NEDD4L: variants seen among roughly 807,000 people sequenced by gnomAD.
The protein encoded by NEDD4L is NEDD4 like E3 ubiquitin protein ligase, also known as E3 ubiquitin-protein ligase NEDD4-like.
A neutral mutation model predicts 148.9 loss-of-function variants in NEDD4L; 54 were observed. The observed-to-expected ratio is 0.36, with a 90% confidence interval of 0.29 to 0.45. The LOEUF (loss-of-function observed/expected upper bound fraction) is 0.45, where lower values mean the gene tolerates loss of function less well. Ranked by LOEUF, NEDD4L falls within the 20% of genes least tolerant of loss-of-function variation. The probability of loss-of-function intolerance (pLI) is 1.00; values close to 1 mark genes in which losing one functional copy is unlikely to be tolerated. For missense variants in NEDD4L, 856 were observed against 1,233.8 expected, an observed-to-expected ratio of 0.69 and a Z score of 4.59; for synonymous variants, 433 against 440.7, an observed-to-expected ratio of 0.98 and a Z score of 0.22.
Position 58,256,315 on chromosome 18 carries a change from G to C in NEDD4L, c.297+4261G>C. Reference sequence around the variant, plus strand: ...CGGCCGCGGCAGAGCCCAGGCGCTGGTCCCTGCAGCACGTTCCAGATGCTT... The same window carrying C: ...CGGCCGCGGCAGAGCCCAGGCGCTGCTCCCTGCAGCACGTTCCAGATGCTT... On this transcript the variant is annotated intron_variant, in intron 5 of 30. Coordinates refer to ENST00000400345, the MANE Select transcript of NEDD4L (RefSeq NM_001144967.3). The surrounding 1 kb of genome is among the most constrained non-coding windows in gnomAD (Gnocchi z 5.2). 8.1e-7 allele frequency: 1 copy of C among 1,231,790 alleles called. No homozygotes were observed. Among genetic ancestry groups the C allele is most frequent in the Non-Finnish European group, 1.0e-6 (1 of 987,896 alleles). 76.3% of individuals were successfully genotyped at this position (1,231,790 alleles called of 1,614,324 possible).
At position 58,256,749 on chromosome 18, in the gene NEDD4L, C is replaced by G. The variant is rs2048638954; in HGVS notation, c.297+4695C>G. 8.1e-7 allele frequency: 1 copy of G among 1,232,020 alleles called. No individual in the cohort carries two copies. Among genetic ancestry groups the G allele is most frequent in the Non-Finnish European group, 1.0e-6 (1 of 988,004 alleles). The allele number at this position is 1,232,020 out of a possible 1,614,324, so 76.3% of individuals were successfully genotyped here. On this transcript the variant is annotated intron_variant, in intron 5 of 30. Coordinates refer to ENST00000400345, the MANE Select transcript of NEDD4L (RefSeq NM_001144967.3). This position sits in a 1 kb window ranked among gnomAD's most constrained non-coding sequence, Gnocchi z 5.2. The stretch of plus-strand genomic sequence containing the variant: ...CCCGAGGAGAAAAGCGCCAAAAGCC[C>G]TGTTTCCACGGGAGCTGACACCACG...
chr18:58,348,128 T>C (rs1019728482), intron 16 of NEDD4L, among the ~76,000 whole-genome samples: 5 of 151,788 alleles, frequency 3.3e-5, no homozygotes, highest in Non-Finnish European at 7.4e-5. Flanking sequence ...GCCTTTCAGG[T>C]AGCTAAGGCA....
rs573143417 is a variant in NEDD4L at position 58,325,512 on chromosome 18, C to A, written c.680+350C>A. On this transcript the variant is annotated intron_variant, in intron 9 of 30. Coordinates refer to ENST00000400345, the MANE Select transcript of NEDD4L (RefSeq NM_001144967.3). ...TTTCTTCTTCACCTTTCTCTCCCAA[C>A]TGACCCAGAACAGAACCGGCAAGCA... Among the ~76,000 whole-genome samples the A allele has an allele frequency of 3.3e-4, 50 of 152,322 alleles. 1 individual carries two copies. In the South Asian group the frequency reaches 9.7e-3, roughly 30 times the overall value.
intron 2 of NEDD4L, among the ~76,000 whole-genome samples, chr18:58,239,748 C>G (rs989771771): frequency 6.6e-6 from 1 of 152,176 alleles, no homozygotes; most frequent in Non-Finnish European, 1.5e-5. Flanking sequence ...CAGATGACCT[C>G]GTCTGCGCTG....
intron 1 of NEDD4L, among the ~76,000 whole-genome samples, chr18:58,049,275 G>A (rs556322083): frequency 6.6e-6 from 1 of 152,346 alleles, no homozygotes; most frequent in Admixed American, 6.5e-5. Context: ...AGAAGGAACT[G>A]GGGGCCTAGA....
intron 19 of NEDD4L, 28 bp downstream of exon 19, chr18:58,357,280 A>C: frequency 6.3e-7 from 1 of 1,597,382 alleles, no homozygotes; most frequent in Non-Finnish European, 8.6e-7. Flanking sequence ...CTGCCTCTTC[A>C]GTATAAGATT....
intron 16 of NEDD4L, among the ~76,000 whole-genome samples, chr18:58,349,077 C>T (rs913196362): frequency 6.6e-6 from 1 of 152,090 alleles, no homozygotes; most frequent in African/African-American, 2.4e-5. Flanking sequence ...GAGGGGAGCA[C>T]AAGTGCTGGA....
At chr18:58,381,760 G>A (rs1242580844) in intron 24 of NEDD4L, among the ~76,000 whole-genome samples, 2 of 152,274 alleles carry the variant, frequency 1.3e-5, no homozygotes, top group East Asian at 1.9e-4. Flanking sequence ...AAAAGGTATG[G>A]ATGAGCACTG....
chr18:58,092,704 TC>T (rs2084147643), intron 1 of NEDD4L, among the ~76,000 whole-genome samples: 1 of 151,582 alleles, frequency 6.6e-6, no homozygotes, highest in African/African-American at 2.4e-5. Context: ...CTAGAAGAGT[TC>T]GTGTAAGAGC....
chr18:58,372,184 G>A (rs182789939), intron 23 of NEDD4L: 1 of 152,206 alleles, frequency 6.6e-6, no homozygotes, highest in Admixed American at 6.5e-5. Context: ...CACAACCATA[G>A]TTCACTGCAG....
chr18:58,196,710 C>CTTT (rs544883000), intron 2 of NEDD4L, among the ~76,000 whole-genome samples: 12 of 114,444 alleles, frequency 1.0e-4, no homozygotes, highest in East Asian at 2.8e-4. Context: ...CTCTCTCTCT[C>CTTT]TTTTTTTTTT....
chr18:58,304,756 T>A (rs2056883179), intron 5 of NEDD4L, among the ~76,000 whole-genome samples: 1 of 152,198 alleles, frequency 6.6e-6, no homozygotes, highest in Non-Finnish European at 1.5e-5. Flanking sequence ...CCATCACTGA[T>A]GATGTTCAAA....
intron 1 of NEDD4L, among the ~76,000 whole-genome samples, chr18:58,062,227 G>T (rs1467746581): frequency 6.6e-6 from 1 of 152,140 alleles, no homozygotes; most frequent in African/African-American, 2.4e-5. Flanking sequence ...CACCCAGTAC[G>T]TGGGTGCACT....
In NEDD4L at chr18:58,044,312, G is replaced by T. The variant is rs1232928999; in HGVS notation, c.-349G>T. ...GAGGAGGCTCGGAGGGGGGCGGAGA[G>T]CGGCGGGGCGGGAGGGAGGCGCGGG... On this transcript the variant is annotated 5_prime_UTR_variant, in exon 1 of 31. Transcript: ENST00000400345. 6.5e-6 allele frequency: 1 copy of T among 153,686 alleles called. No individual in the cohort carries two copies. Among genetic ancestry groups the T allele is most frequent in the African/African-American group, 2.4e-5 (1 of 41,292 alleles). 9.5% of individuals were successfully genotyped at this position (153,686 alleles called of 1,614,324 possible).
intron 1 of NEDD4L, among the ~76,000 whole-genome samples, chr18:58,081,126 C>G (rs932618423): frequency 3.3e-5 from 5 of 150,798 alleles, no homozygotes; most frequent in Admixed American, 6.6e-5. Context: ...CATTTGTGGT[C>G]TAGTTTTGGC....
At chr18:58,383,168 A>G (rs2048566609) in intron 24 of NEDD4L, 78 bp from the exon 25 acceptor site, 2 of 769,650 alleles carry the variant, frequency 2.6e-6, no homozygotes, top group East Asian at 5.4e-5. Flanking sequence ...TTCCCTTTAT[A>G]GTAAGACATT....
At chr18:58,304,886 T>C (rs970180907) in intron 5 of NEDD4L, among the ~76,000 whole-genome samples, 38 of 152,358 alleles carry the variant, frequency 2.5e-4, no homozygotes, top group African/African-American at 8.9e-4. Context: ...TGGTTCTATT[T>C]TGAAATGGGA....
Position 58,256,252 on chromosome 18 carries a change from G to A in NEDD4L, c.297+4198G>A. On this transcript the variant is annotated intron_variant, in intron 5 of 30. Transcript: ENST00000400345. The surrounding 1 kb of genome is among the most constrained non-coding windows in gnomAD (Gnocchi z 5.2). ...CCTCCAGCGCCGACGTGCGCCAGGT[G>A]AGGCTGCTGCCCCTGGGCCCCGATG... The A allele has an allele frequency of 1.6e-6, 2 of 1,230,700 alleles. No homozygotes were observed. The highest frequency in any genetic ancestry group is 4.1e-5 in the South Asian group (1 of 24,322). 76.2% of individuals were successfully genotyped at this position (1,230,700 alleles called of 1,614,324 possible). A position where few individuals can be genotyped will look rare whatever the true frequency, so the allele number is the denominator to read the frequency against.
At chr18:58,220,191 G>T (rs2043583596) in intron 2 of NEDD4L, among the ~76,000 whole-genome samples, 1 of 152,154 alleles carries the variant, frequency 6.6e-6, no homozygotes, top group South Asian at 2.1e-4. Flanking sequence ...GAGATGGGTG[G>T]ATCACTTGAG....
Sources: allele counts gnomAD v4.1 joint callset (sites outside exome capture counted in the v4.1 genomes callset), GRCh38; gene constraint gnomAD v4.1.1; non-coding constraint Gnocchi (gnomAD v3.1); transcripts MANE v1.5; gene names NCBI Gene and HGNC (gene_info 2026-07-23, HGNC 2026-07-21).